ACTA2: variants seen among roughly 807,000 people sequenced by gnomAD.
ACTA2 encodes the protein actin alpha 2, smooth muscle, also known as actin, aortic smooth muscle.
In ACTA2, 12 loss-of-function variants were observed where a neutral mutation model predicts 39.5. That is an observed-to-expected ratio of 0.30 (90% CI 0.19 to 0.49). ACTA2 has a LOEUF of 0.49. Among genes scored for constraint, ACTA2 ranks in the 20% least tolerant of loss-of-function variants. The pLI is 0.99. For synonymous variants in ACTA2, 158 were observed against 180.6 expected, an observed-to-expected ratio of 0.88 and a Z score of 1.00; for missense variants, 236 against 498.8, an observed-to-expected ratio of 0.47 and a Z score of 5.02.
chr10:88,981,689 G>A (rs1846716173), intron 1 of ACTA2, among the ~76,000 whole-genome samples: 1 of 152,194 alleles, frequency 6.6e-6, no homozygotes, highest in African/African-American at 2.4e-5. Context: ...GGGAGGGAGA[G>A]AGAGGCTGGA....
chr10:88,945,641 T>TG (rs1333671392), intron 3 of ACTA2, among the ~76,000 whole-genome samples: 2 of 152,234 alleles, frequency 1.3e-5, no homozygotes, highest in Non-Finnish European at 1.5e-5. Context: ...TAAGGCCTCA[T>TG]GTAATGCAAC....
intron 1 of ACTA2, among the ~76,000 whole-genome samples, chr10:88,977,014 G>A (rs940066737): frequency 1.3e-5 from 2 of 152,172 alleles, no homozygotes; most frequent in African/African-American, 4.8e-5. Context: ...TATCCCAAAG[G>A]AGAAGCTTAT....
At chr10:88,987,733 C>T (rs1009062686) in intron 1 of ACTA2, among the ~76,000 whole-genome samples, 2 of 152,218 alleles carry the variant, frequency 1.3e-5, no homozygotes, top group African/African-American at 4.8e-5. Flanking sequence ...TATACCCAAG[C>T]CCTGGGATTG....
intron 1 of ACTA2, among the ~76,000 whole-genome samples, chr10:88,985,780 C>A (rs753510318): frequency 3.9e-5 from 6 of 152,218 alleles, no homozygotes; most frequent in Non-Finnish European, 8.8e-5. Context: ...CTGAGGCCCA[C>A]ACTAGCTAGT....
rs1564669312 is a variant in ACTA2 at position 88,990,566 on chromosome 10, G to C, written c.-24+373C>G. 1 of 648,190 alleles carries C rather than the reference G, an allele frequency of 1.5e-6. No homozygotes were observed. Among genetic ancestry groups the C allele is most frequent in the South Asian group, 1.5e-5 (1 of 66,196 alleles). The allele number at this position is 648,190 out of a possible 1,614,324, so 40.2% of individuals were successfully genotyped here. ...CGCAGGCCAAGTTGCTGAATCAATG[G>C]AGCCCTCCCCAACCCGGGCGTTCCC... On this transcript the variant is annotated intron_variant, in intron 1 of 4. Coordinates refer to the ACTA2 transcript ENST00000415557. The surrounding 1 kb of genome is among the most constrained non-coding windows in gnomAD (Gnocchi z 4.9).
chr10:88,945,386 T>C (rs1845926965), intron 3 of ACTA2, among the ~76,000 whole-genome samples: 1 of 152,250 alleles, frequency 6.6e-6, no homozygotes, highest in Non-Finnish European at 1.5e-5. Flanking sequence ...AACAACATTA[T>C]GTATTTTTCT....
chr10:88,939,731 T>C, intron 6 of ACTA2, 33 bp from the exon 7 acceptor site: 3 of 1,612,216 alleles, frequency 1.9e-6, no homozygotes, highest in Non-Finnish European at 2.5e-6. Flanking sequence ...GTGGCAAACA[T>C]TAGGGTCTGC....
intron 4 of ACTA2, among the ~76,000 whole-genome samples, chr10:88,943,225 T>A (rs1845887795): frequency 6.6e-6 from 1 of 152,164 alleles, no homozygotes; most frequent in Non-Finnish European, 1.5e-5. Flanking sequence ...TATTGTGAGG[T>A]CTTTAGCTTC....
chr10:88,953,220 G>A (rs934823825), upstream of ACTA2, among the ~76,000 whole-genome samples: 2 of 152,214 alleles, frequency 1.3e-5, no homozygotes, highest in African/African-American at 4.8e-5. Context: ...TACCACGGTA[G>A]CATGCAAAGA....
intron 1 of ACTA2, among the ~76,000 whole-genome samples, chr10:88,965,887 A>T (rs1846310220): frequency 1.3e-5 from 2 of 152,186 alleles, no homozygotes. Flanking sequence ...AAAAATAAAT[A>T]TTCCTTAAAT....
chr10:88,939,692 C>T lies in ACTA2; in HGVS notation c.623G>A (p.Arg208His), dbSNP rs1057521703. The change falls in exon 7 of 9, where the codon CGT becomes CAT. Residue 208 changes from arginine (R) to histidine (H), a missense_variant. Transcript: ENST00000224784. ...CTCCTTGATGTCCCGGACAATCTCA[C>T]GCTCAGCTGTCAACCAGATACAAAC... ...RGYSFVTTAE[R>H]EIVRDIKEKL... 1.2e-5 allele frequency: 19 copies of T among 1,613,858 alleles called. No individual in the cohort carries two copies. Among genetic ancestry groups the T allele is most frequent in the South Asian group, 2.2e-5 (2 of 91,082 alleles).
intron 1 of ACTA2, among the ~76,000 whole-genome samples, chr10:88,976,216 C>T (rs142967951): frequency 0.012 from 1,853 of 152,110 alleles, 36 homozygotes; most frequent in African/African-American, 0.042. Flanking sequence ...AAAAAAAAAT[C>T]GCCAAAAATC....
rs567313750 is a variant in ACTA2, at chr10:88,939,359, C to T, written c.808+148G>A. 2.6e-5 allele frequency: 27 copies of T among 1,051,140 alleles called. No homozygotes were observed. In the South Asian group the frequency reaches 3.3e-4, roughly 13 times the overall value. 65.1% of individuals were successfully genotyped at this position (1,051,140 alleles called of 1,614,324 possible). Reference sequence around the variant, plus strand: ...TCCTGGCCTCATTATGTCTTCTCGCCTTGAAAATGTGGCACTTTCCCTTTT... The same window carrying T: ...TCCTGGCCTCATTATGTCTTCTCGCTTTGAAAATGTGGCACTTTCCCTTTT... On this transcript the variant is annotated intron_variant, in intron 7 of 8. Coordinates refer to ENST00000224784, the MANE Select transcript of ACTA2 (RefSeq NM_001613.4).
chr10:88,958,113 C>T (rs1347815283), intron 1 of ACTA2, among the ~76,000 whole-genome samples: 1 of 152,186 alleles, frequency 6.6e-6, no homozygotes, highest in Non-Finnish European at 1.5e-5. Flanking sequence ...ATCCATACTA[C>T]TTTGTGTTTG....
chr10:88,986,603 G>C (rs1926201), intron 1 of ACTA2, among the ~76,000 whole-genome samples: 83,512 of 151,880 alleles, frequency 0.55, 24,503 homozygotes, highest in African/African-American at 0.77. Flanking sequence ...CTTTTCTTAG[G>C]CTTCAGGAAT....
chr10:88,972,555 T>A (rs929757588), intron 1 of ACTA2, among the ~76,000 whole-genome samples: 1 of 152,206 alleles, frequency 6.6e-6, no homozygotes. Context: ...TGTTTAATTT[T>A]TTTTCTAAAT....
intron 1 of ACTA2, among the ~76,000 whole-genome samples, chr10:88,983,575 G>C (rs866677693): frequency 3.5e-5 from 4 of 115,210 alleles, no homozygotes; most frequent in African/African-American, 1.3e-4. Flanking sequence ...ACTTTACAGG[G>C]AGTTGTAAGG....
chr10:88,986,369 C>T (rs1319676168), intron 1 of ACTA2, among the ~76,000 whole-genome samples: 1 of 152,176 alleles, frequency 6.6e-6, no homozygotes, highest in African/African-American at 2.4e-5. Context: ...GATTAAGAAG[C>T]CAGGGCCCAC....
At chr10:88,973,036 G>A (rs1436817979) in intron 1 of ACTA2, 1 of 923,496 alleles carries the variant, frequency 1.1e-6, no homozygotes, top group Non-Finnish European at 1.5e-6. Context: ...AGAGTTTGTA[G>A]TTGTTTTATT....
Sources: gnomAD v4.1 joint callset for allele counts (sites outside exome capture counted in the v4.1 genomes callset) on GRCh38, gnomAD v4.1.1 for gene constraint, Gnocchi (gnomAD v3.1) non-coding constraint, MANE v1.5 for transcripts, NCBI Gene and HGNC (gene_info 2026-07-23, HGNC 2026-07-21) for gene names.